Variants in RTP2 observed in about 807,000 individuals in gnomAD.
The protein encoded by RTP2 is receptor transporter protein 2.
In RTP2, 12 loss-of-function variants were observed where a neutral mutation model predicts 17.9. The ratio of observed to expected loss-of-function variants is 0.67; its 90% CI spans 0.43 to 1.09. The LOEUF (loss-of-function observed/expected upper bound fraction) is 1.09, where lower values mean the gene tolerates loss of function less well. RTP2 is among the 50% of genes least tolerant of loss of function. RTP2 has a pLI of 0.00. For missense variants in RTP2, 327 were observed against 295.7 expected, an observed-to-expected ratio of 1.11 and a Z score of -0.78; for synonymous variants, 126 against 117.7, an observed-to-expected ratio of 1.07 and a Z score of -0.46.
chr3:187,705,670 G>T (rs1717974354), upstream of RTP2, among the ~76,000 whole-genome samples: 1 of 152,118 alleles, frequency 6.6e-6, no homozygotes, highest in Non-Finnish European at 1.5e-5. Context: ...TTAGGAAACA[G>T]GTCACCTTCC....
At chr3:187,706,879 G>T (rs1357754655), upstream of RTP2, among the ~76,000 whole-genome samples, 1 of 152,178 alleles carries the variant, frequency 6.6e-6, no homozygotes. Context: ...GGGATTACAG[G>T]CATGAGCCAC....
the RTP2 span, among the ~76,000 whole-genome samples, chr3:187,713,411 A>T: frequency 2.0e-5 from 3 of 152,258 alleles, no homozygotes; most frequent in Non-Finnish European, 4.4e-5. Context: ...AATTGGACAA[A>T]ATGCACAAAC....
chr3:187,705,974 G>A (rs1717981715), upstream of RTP2, among the ~76,000 whole-genome samples: 1 of 152,198 alleles, frequency 6.6e-6, no homozygotes, highest in Non-Finnish European at 1.5e-5. Context: ...AAAGCCCCCA[G>A]TAAAGATTTA....
At chr3:187,711,181 T>G in the RTP2 span, among the ~76,000 whole-genome samples, 1 of 152,144 alleles carries the variant, frequency 6.6e-6, no homozygotes, top group East Asian at 1.9e-4. Context: ...ATATGGGTGG[T>G]GTCCAGGGGT....
chr3:187,711,356 C>T, the RTP2 span, among the ~76,000 whole-genome samples: 1 of 152,336 alleles, frequency 6.6e-6, no homozygotes, highest in South Asian at 2.1e-4. Flanking sequence ...TCAACACCTG[C>T]ACCATGCACT....
At chr3:187,703,872 C>A (rs1158205807), upstream of RTP2, among the ~76,000 whole-genome samples, 2 of 151,928 alleles carry the variant, frequency 1.3e-5, no homozygotes, top group Non-Finnish European at 2.9e-5. Flanking sequence ...TCAAATAATG[C>A]AATCCCCTTA....
At chr3:187,701,669 C>T (rs1204590411) in intron 1 of RTP2, among the ~76,000 whole-genome samples, 1 of 152,202 alleles carries the variant, frequency 6.6e-6, no homozygotes, top group African/African-American at 2.4e-5. Flanking sequence ...TCAGTTCCAA[C>T]TCACTCTAAA....
exon 1 of RTP2, chr3:187,702,396 G>A (rs913785545): frequency 5.3e-5 from 29 of 548,568 alleles, no homozygotes; most frequent in South Asian, 1.3e-4. Context: ...GCGCTGGGTA[G>A]GCCTGAGAGG....
chr3:187,709,536 T>C, the RTP2 span, among the ~76,000 whole-genome samples: 1 of 151,992 alleles, frequency 6.6e-6, no homozygotes, highest in African/African-American at 2.4e-5. Flanking sequence ...ATACAAAAAA[T>C]TGGCCAGGCA....
intron 1 of RTP2, 40 bp downstream of exon 1, chr3:187,701,923 CCA>C: frequency 6.5e-7 from 1 of 1,529,230 alleles, no homozygotes; most frequent in Non-Finnish European, 8.8e-7. Flanking sequence ...CAGCTGTGAC[CCA>C]GGGGCTGTCT....
At chr3:187,699,229 C>T (rs1361873351) in intron 1 of RTP2, among the ~76,000 whole-genome samples, 1 of 152,236 alleles carries the variant, frequency 6.6e-6, no homozygotes, top group African/African-American at 2.4e-5. Flanking sequence ...GAGCCAGTGC[C>T]GGAGCCATCT....
chr3:187,700,017 C>T (rs543168902), intron 1 of RTP2, among the ~76,000 whole-genome samples: 1 of 152,316 alleles, frequency 6.6e-6, no homozygotes, highest in African/African-American at 2.4e-5. Flanking sequence ...GTTATAGAGG[C>T]TTCACAGGCA....
At chr3:187,711,059 A>G in the RTP2 span, among the ~76,000 whole-genome samples, 1 of 152,212 alleles carries the variant, frequency 6.6e-6, no homozygotes, top group East Asian at 1.9e-4. Flanking sequence ...CCTAATATGC[A>G]TAGCCACCCC....
chr3:187,698,687 A>C lies in RTP2; in HGVS notation c.489T>G (p.Val163=), dbSNP rs754716806. The C allele has an allele frequency of 5.4e-5, 87 of 1,613,990 alleles. No homozygotes were observed. The South Asian group carries it at 5.7e-4, about 11-fold the overall frequency. ...GCAGCTTCTCGCTGGGCTTCCAGTG[A>C]ACGATGCCCTCCTGGCAGGCCTCAC... Residue 163 remains valine, a synonymous_variant, in exon 2 of 2, where the codon GTT becomes GTG. Transcript: ENST00000358241.
At chr3:187,713,806 A>T in the RTP2 span, among the ~76,000 whole-genome samples, 3 of 152,194 alleles carry the variant, frequency 2.0e-5, no homozygotes, top group South Asian at 6.2e-4. Flanking sequence ...TTGCAAAGGG[A>T]GTAGCCTCGG....
At chr3:187,703,778 C>G (rs1420869931), upstream of RTP2, among the ~76,000 whole-genome samples, 1 of 152,120 alleles carries the variant, frequency 6.6e-6, no homozygotes, top group Non-Finnish European at 1.5e-5. Context: ...AATAGTATAC[C>G]CTTGTTCCCA....
chr3:187,703,874 A>G (rs1242963195), upstream of RTP2, among the ~76,000 whole-genome samples: 1 of 152,170 alleles, frequency 6.6e-6, no homozygotes, highest in African/African-American at 2.4e-5. Flanking sequence ...AAATAATGCA[A>G]TCCCCTTAGG....
chr3:187,699,568 G>T (rs932401546), intron 1 of RTP2, among the ~76,000 whole-genome samples: 3 of 151,972 alleles, frequency 2.0e-5, no homozygotes, highest in African/African-American at 7.3e-5. Context: ...TGGACAGACC[G>T]GTAGATGGGT....
the RTP2 span, among the ~76,000 whole-genome samples, chr3:187,714,674 C>G: frequency 7.2e-5 from 11 of 152,204 alleles, no homozygotes; most frequent in Admixed American, 5.2e-4. Context: ...GCACTCACTC[C>G]TTTGCTCCGT....
Sources: allele counts gnomAD v4.1 joint callset (sites outside exome capture counted in the v4.1 genomes callset), GRCh38; gene constraint gnomAD v4.1.1; transcripts MANE v1.5; gene names NCBI Gene and HGNC (gene_info 2026-07-23, HGNC 2026-07-21).